NRCAM: variants seen among roughly 807,000 people sequenced by gnomAD.
NRCAM encodes neuronal cell adhesion molecule, also known as NgCAM-related cell adhesion molecule.
NRCAM carries 83 observed loss-of-function variants against 156.5 expected under a neutral mutation model. The ratio of observed to expected loss-of-function variants is 0.53; its 90% confidence interval spans 0.44 to 0.64. The LOEUF (loss-of-function observed/expected upper bound fraction) is 0.64, where lower values mean the gene tolerates loss of function less well. Among genes scored for constraint, NRCAM ranks in the 30% least tolerant of loss-of-function variants. The probability of loss-of-function intolerance (pLI) is 0.00; values close to 1 mark genes in which losing one functional copy is unlikely to be tolerated. For missense variants in NRCAM, 1,417 were observed against 1,597.3 expected, an observed-to-expected ratio of 0.89 and a Z score of 1.92; for synonymous variants, 538 against 563.9, an observed-to-expected ratio of 0.95 and a Z score of 0.65.
At chr7:108,168,162 T>A in intron 29 of NRCAM, 115 bp downstream of exon 29, 1 of 1,116,764 alleles carries the variant, frequency 9.0e-7, no homozygotes, top group East Asian at 3.0e-5. Context: ...CTCATTCATT[T>A]AATTGGATCA....
chr7:108,273,147 T>C lies in NRCAM; in HGVS notation c.-106-32977A>G, dbSNP rs188185918. 3.9e-5 allele frequency among the ~76,000 whole-genome samples: 6 copies of C among 152,346 alleles called. No individual in the cohort carries two copies. The East Asian group carries it at 5.8e-4, about 15-fold the overall frequency. On this transcript the variant is annotated intron_variant, in intron 3 of 32. Transcript: ENST00000379028. The stretch of plus-strand genomic sequence containing the variant: ...CATATTTTCTTTATCCAGTCTATTA[T>C]TGATGGGCATTTGGGTTGGTTCCAA...
intron 10 of NRCAM, among the ~76,000 whole-genome samples, chr7:108,225,129 A>G (rs2093221514): frequency 6.6e-6 from 1 of 152,196 alleles, no homozygotes; most frequent in South Asian, 2.1e-4. Context: ...GAAGACAGTG[A>G]CTTGGTTTGA....
Position 108,166,852 on chromosome 7 carries a change from C to T in NRCAM, c.3466+69G>A, listed in dbSNP as rs1585843543. ...ATAACACAGCTCCACCAGCCCCCAT[C>T]TCCAGCTGGAGCACCTGGCGGCCTC... On this transcript the variant is annotated intron_variant, in intron 30 of 32. Coordinates refer to ENST00000379028, the MANE Select transcript of NRCAM (RefSeq NM_001037132.4). 2.2e-5 allele frequency: 32 copies of T among 1,471,314 alleles called. No homozygotes were observed. The East Asian group carries it at 7.5e-4, about 34-fold the overall frequency. The allele number at this position is 1,471,314 out of a possible 1,614,324, so 91.1% of individuals were successfully genotyped here.
chr7:108,300,583 A>G (rs899680812), intron 3 of NRCAM, among the ~76,000 whole-genome samples: 6 of 152,204 alleles, frequency 3.9e-5, no homozygotes, highest in African/African-American at 7.2e-5. Flanking sequence ...AAATTTCCAA[A>G]GAAAAATGTC....
chr7:108,373,771 G>A (rs1313685485), intron 2 of NRCAM, among the ~76,000 whole-genome samples: 5 of 152,130 alleles, frequency 3.3e-5, no homozygotes, highest in Non-Finnish European at 7.4e-5. Context: ...TGTGTAAGTG[G>A]GTGGGCAACA....
intron 3 of NRCAM, among the ~76,000 whole-genome samples, chr7:108,246,988 T>C (rs2095981526): frequency 6.6e-6 from 1 of 152,136 alleles, no homozygotes; most frequent in African/African-American, 2.4e-5. Flanking sequence ...GCTTATCCTC[T>C]TGTAATGTTC....
chr7:108,384,952 A>T (rs1005688773), intron 2 of NRCAM, among the ~76,000 whole-genome samples: 4 of 152,190 alleles, frequency 2.6e-5, no homozygotes, highest in African/African-American at 9.6e-5. Context: ...CAAGTGCTTT[A>T]TGAAGTGTGA....
chr7:108,283,237 A>G (rs2097924041), intron 3 of NRCAM, among the ~76,000 whole-genome samples: 2 of 152,362 alleles, frequency 1.3e-5, no homozygotes, highest in South Asian at 4.1e-4. Context: ...AGACTATTAC[A>G]TAACTGTCTT....
At chr7:108,389,130 A>G (rs954438050) in intron 2 of NRCAM, among the ~76,000 whole-genome samples, 3 of 152,118 alleles carry the variant, frequency 2.0e-5, no homozygotes, top group African/African-American at 7.2e-5. Context: ...ATGGCATTGA[A>G]TCTATAAATT....
At chr7:108,447,159 C>A (rs1418594533) in intron 1 of NRCAM, among the ~76,000 whole-genome samples, 1 of 150,930 alleles carries the variant, frequency 6.6e-6, no homozygotes, top group Non-Finnish European at 1.5e-5. Flanking sequence ...AACTTTGATA[C>A]ATTACAGCAG....
At chr7:108,153,907 A>T (rs2043247316) in intron 32 of NRCAM, among the ~76,000 whole-genome samples, 1 of 152,158 alleles carries the variant, frequency 6.6e-6, no homozygotes, top group Non-Finnish European at 1.5e-5. Context: ...AAACTTTCAG[A>T]GTTATTAAAG....
rs141151368 is a variant in NRCAM, at chr7:108,303,889, ATATATG to A, written c.-107+8770_-107+8775del. Among the ~76,000 whole-genome samples, 14 of 152,288 alleles carry A rather than the reference ATATATG, an allele frequency of 9.2e-5. No individual in the cohort carries two copies. The East Asian group carries it at 2.3e-3, about 25-fold the overall frequency. ...TATGTACACAATACAGATACATAAT[ATATATG>A]TATATTTTCATATTTTTGTACTAAT... On this transcript the variant is annotated intron_variant, in intron 3 of 32. Transcript: ENST00000379028.
rs2064212567 is a variant in NRCAM at position 108,182,713 on chromosome 7, C to G, written c.2512G>C (p.Gly838Arg). ...GFAPEPAVVM[G>R]HSGEDLPMVA... ...CACTTACGGTCTTCTCCAGAATGTC[C>G]CATGACTACAGCTGGCTCGGGGGCA... is the stretch of plus-strand genomic sequence containing the variant. The change falls in exon 23 of 33, where the codon GGA becomes CGA. Residue 838 changes from glycine to arginine, a missense_variant. Gly to Arg is a moderately radical substitution (Grantham distance 125, BLOSUM62 -2). Transcript: ENST00000379028. 1 of 1,614,188 alleles carries G rather than the reference C, an allele frequency of 6.2e-7. No individual in the cohort carries two copies. Among genetic ancestry groups the G allele is most frequent in the Non-Finnish European group, 8.5e-7 (1 of 1,180,020 alleles).
intron 11 of NRCAM, among the ~76,000 whole-genome samples, chr7:108,218,184 G>C (rs923022776): frequency 1.3e-5 from 2 of 151,606 alleles, no homozygotes; most frequent in South Asian, 2.1e-4. Flanking sequence ...GGGGGGGGGG[G>C]GGAGTTCCCC....
intron 3 of NRCAM, among the ~76,000 whole-genome samples, chr7:108,284,824 G>A (rs2098020323): frequency 6.6e-6 from 1 of 152,218 alleles, no homozygotes; most frequent in Non-Finnish European, 1.5e-5. Context: ...CTGGGAGCCT[G>A]TAAGCACCTC....
intron 3 of NRCAM, among the ~76,000 whole-genome samples, chr7:108,306,444 C>T (rs1011341112): frequency 1.3e-5 from 2 of 152,162 alleles, no homozygotes; most frequent in African/African-American, 4.8e-5. Flanking sequence ...GCAGGCAATG[C>T]CATCACCCCA....
In NRCAM at chr7:108,176,543, C is replaced by G. The variant is rs551578715; in HGVS notation, c.3038G>C (p.Trp1013Ser). ...DLKIPANKTRWTLKNLNFSTR... is the reference protein window; with the variant it reads ...DLKIPANKTRSTLKNLNFSTR... ...GCTGAAATTTAAATTTTTTAAAGTC[C>G]ACCGTGTCTTGTTGGCAGGAATTTT... The change falls in exon 27 of 33, where the codon TGG becomes TCG. Residue 1013 changes from tryptophan (W) to serine (S), a missense_variant. Trp to Ser is a radical substitution (Grantham distance 177, BLOSUM62 -3). Transcript: ENST00000379028. 1.9e-6 allele frequency: 3 copies of G among 1,613,594 alleles called. No homozygotes were observed. The South Asian group carries it at 3.3e-5, about 18-fold the overall frequency.
chr7:108,419,057 G>A (rs562188699), intron 1 of NRCAM, among the ~76,000 whole-genome samples: 19 of 152,142 alleles, frequency 1.2e-4, no homozygotes, highest in Non-Finnish European at 1.8e-4. Flanking sequence ...AAAAATCACC[G>A]TATGTCCGCT....
intron 1 of NRCAM, among the ~76,000 whole-genome samples, chr7:108,441,521 G>A (rs13238841): frequency 0.25 from 37,416 of 152,078 alleles, 4,932 homozygotes; most frequent in Non-Finnish European, 0.29. Context: ...GGTCATAACT[G>A]TAACTCTCAC....
Sources: allele counts gnomAD v4.1 joint callset (sites outside exome capture counted in the v4.1 genomes callset), GRCh38; gene constraint gnomAD v4.1.1; transcripts MANE v1.5; gene names NCBI Gene and HGNC (gene_info 2026-07-23, HGNC 2026-07-21).